Variants in LRRC40 observed in about 807,000 individuals in gnomAD.
The protein encoded by LRRC40 is leucine rich repeat containing 40.
LRRC40 carries 76 observed loss-of-function variants against 72.8 expected under a neutral mutation model. The observed-to-expected ratio is 1.04, with a 90% CI of 0.87 to 1.26. The LOEUF is 1.26. Ranked by LOEUF, LRRC40 falls within the 50% of genes most tolerant of loss-of-function variation. The probability of loss-of-function intolerance (pLI) is 0.00; values close to 1 mark genes in which losing one functional copy is unlikely to be tolerated. For missense variants in LRRC40, 684 were observed against 698.9 expected (o/e 0.98, Z 0.24); for synonymous variants, 243 against 254.2 (o/e 0.96, Z 0.42).
At chr1:70,188,432 A>G (rs1304020961) in intron 2 of LRRC40, among the ~76,000 whole-genome samples, 3 of 152,284 alleles carry the variant, frequency 2.0e-5, no homozygotes, top group Non-Finnish European at 4.4e-5. Context: ...CTAGAATAAT[A>G]ATGATAAAAA....
At chr1:70,150,217 C>A (rs899530298) in intron 13 of LRRC40, among the ~76,000 whole-genome samples, 2 of 152,136 alleles carry the variant, frequency 1.3e-5, no homozygotes, top group East Asian at 1.9e-4. Context: ...CTGCACCTGG[C>A]CAGTTATTCA....
chr1:70,187,188 T>A (rs1668378626), intron 3 of LRRC40, 77 bp downstream of exon 3: 1 of 705,240 alleles, frequency 1.4e-6, no homozygotes, highest in Non-Finnish European at 2.4e-6. Flanking sequence ...ATATTTTTAA[T>A]GTTGAGAAAA....
chr1:70,187,467 T>C lies in LRRC40; in HGVS notation c.334-129A>G, dbSNP rs1668386112. On this transcript the variant is annotated intron_variant, in intron 2 of 14. Transcript: ENST00000370952. Reference sequence around the variant, plus strand: ...CAAATTCAATGGCAACAAGTTGAACTACTGTTCAACATACTTGTTCTGTAT... The same window carrying C: ...CAAATTCAATGGCAACAAGTTGAACCACTGTTCAACATACTTGTTCTGTAT... 3.4e-5 allele frequency: 19 copies of C among 558,132 alleles called. No homozygotes were observed. In the South Asian group the frequency reaches 4.5e-4, roughly 13 times the overall value. The allele number at this position is 558,132 out of a possible 1,614,324, so 34.6% of individuals were successfully genotyped here.
chr1:70,196,417 G>A (rs550774107), intron 1 of LRRC40, among the ~76,000 whole-genome samples: 1 of 152,150 alleles, frequency 6.6e-6, no homozygotes, highest in Non-Finnish European at 1.5e-5. Flanking sequence ...AGGCATGGTG[G>A]CATACACCAT....
chr1:70,179,569 A>G (rs543214019), intron 5 of LRRC40, among the ~76,000 whole-genome samples: 25 of 152,330 alleles, frequency 1.6e-4, no homozygotes, highest in Non-Finnish European at 3.2e-4. Context: ...GCTTAAAAGT[A>G]TCATTGTCAT....
chr1:70,172,107 T>C (rs971405313), intron 9 of LRRC40, among the ~76,000 whole-genome samples: 7 of 152,094 alleles, frequency 4.6e-5, no homozygotes, highest in Non-Finnish European at 8.8e-5. Context: ...TGAACGGGAA[T>C]AGTGCCCTTA....
In LRRC40 at chr1:70,175,525, G is replaced by C. The variant is rs151328458; in HGVS notation, c.977+285C>G. Among the ~76,000 whole-genome samples the C allele has an allele frequency of 5.5e-3, 843 of 152,096 alleles. 3 individuals are homozygous for C. The highest frequency in any genetic ancestry group is 9.0e-3 in the Non-Finnish European group (611 of 67,964). On this transcript the variant is annotated intron_variant, in intron 7 of 14. Transcript: ENST00000370952. ...CAGCGTTCTTAGAATTTAGTTCTAG[G>C]GGGTAACTAGAACTAAATTTTACTC...
chr1:70,197,295 TA>T (rs1291584292), intron 1 of LRRC40, among the ~76,000 whole-genome samples: 4 of 152,086 alleles, frequency 2.6e-5, no homozygotes, highest in Non-Finnish European at 4.4e-5. Flanking sequence ...TATTTTATTT[TA>T]TTTTTTTTTG....
chr1:70,163,669 G>A (rs987227946), intron 9 of LRRC40, among the ~76,000 whole-genome samples: 2 of 152,124 alleles, frequency 1.3e-5, no homozygotes, highest in Admixed American at 1.3e-4. Flanking sequence ...CCATTCACAG[G>A]TTTCAGGGAT....
rs150092881 is a variant in LRRC40, at chr1:70,175,822, T to C, written c.965A>G (p.Asn322Ser). The change falls in exon 7 of 15, where the codon AAT (asparagine) becomes AGT (serine). Residue 322 changes from asparagine to serine, a missense_variant. Asn to Ser is a conservative substitution (Grantham distance 46). Transcript: ENST00000370952. ...RSLERLDLSNNDISSLPYSLG... is the reference protein window; with the variant it reads ...RSLERLDLSNSDISSLPYSLG... ...TATTTAAACTTACCTACTAATATCA[T>C]TGTTGCTTAGGTCAAGCCTTTCCAA... 5 of 1,558,862 alleles carry C rather than the reference T, an allele frequency of 3.2e-6. No homozygotes were observed. Among genetic ancestry groups the C allele is most frequent in the African/African-American group, 2.8e-5 (2 of 71,718 alleles).
chr1:70,164,514 T>C (rs995889575), intron 9 of LRRC40, among the ~76,000 whole-genome samples: 2 of 152,112 alleles, frequency 1.3e-5, no homozygotes, highest in Non-Finnish European at 2.9e-5. Context: ...CTCAACAAAA[T>C]TGTAGAGGGG....
At chr1:70,196,632 C>T (rs985148886) in intron 1 of LRRC40, among the ~76,000 whole-genome samples, 1 of 149,818 alleles carries the variant, frequency 6.7e-6, no homozygotes, top group Non-Finnish European at 1.5e-5. Flanking sequence ...AAGCCCTAAG[C>T]GAAAAAAAAA....
rs1355732771 is a variant in LRRC40 at position 70,148,474 on chromosome 1, ATGG to A, written c.1703+10_1703+12del. ...AAAATAAATGAAACAATGCAGTAGAATGGTGTAGTTACCTTAAGTTTACACAAT... is the reference window on the plus strand; with the variant it reads ...AAAATAAATGAAACAATGCAGTAGAATGTAGTTACCTTAAGTTTACACAAT... On this transcript the variant is annotated intron_variant, in intron 14 of 14. Coordinates refer to ENST00000370952, the MANE Select transcript of LRRC40 (RefSeq NM_017768.5). 6.3e-7 allele frequency: 1 copy of A among 1,587,816 alleles called. No homozygotes were observed. Among genetic ancestry groups the A allele is most frequent in the East Asian group, 2.2e-5 (1 of 44,604 alleles).
chr1:70,156,873 G>A lies in LRRC40; in HGVS notation c.1221-1077C>T, dbSNP rs536285422. On this transcript the variant is annotated intron_variant, in intron 10 of 14. Coordinates refer to ENST00000370952, the MANE Select transcript of LRRC40 (RefSeq NM_017768.5). ...AAATTGTTTACATCTGGAATTTTCC[G>A]TTTAATATTTTCGGACTGCACCTGA... Among the ~76,000 whole-genome samples, 12 of 152,218 alleles carry A rather than the reference G, an allele frequency of 7.9e-5. No individual in the cohort carries two copies. In the South Asian group the frequency reaches 8.3e-4, roughly 11 times the overall value.
At chr1:70,152,391 T>G in intron 12 of LRRC40, 42 bp downstream of exon 12, 1 of 1,023,164 alleles carries the variant, frequency 9.8e-7, no homozygotes, top group Non-Finnish European at 1.5e-6. Context: ...CAAAGACAAG[T>G]TATAACTTTT....
intron 3 of LRRC40, among the ~76,000 whole-genome samples, chr1:70,186,083 G>A (rs751078682): frequency 8.5e-5 from 13 of 152,150 alleles, no homozygotes; most frequent in South Asian, 2.1e-4. Flanking sequence ...TTGTTAAGTC[G>A]GTTACTGTTA....
intron 1 of LRRC40, among the ~76,000 whole-genome samples, chr1:70,193,462 T>A (rs930912361): frequency 1.3e-5 from 2 of 151,360 alleles, no homozygotes; most frequent in Non-Finnish European, 2.9e-5. Context: ...AGAAATTGAA[T>A]TAGCTACTTA....
chr1:70,150,985 C>G, intron 13 of LRRC40, 143 bp downstream of exon 13: 1 of 518,248 alleles, frequency 1.9e-6, no homozygotes, highest in Non-Finnish European at 3.5e-6. Context: ...ATTTTTAACT[C>G]TAAGAAGAAC....
intron 9 of LRRC40, among the ~76,000 whole-genome samples, chr1:70,171,180 C>T (rs1329622324): frequency 6.6e-6 from 1 of 151,788 alleles, no homozygotes; most frequent in Admixed American, 6.6e-5. Flanking sequence ...GAACCCTTAC[C>T]TCACACTGCA....
Sources: allele counts gnomAD v4.1 joint callset (sites outside exome capture counted in the v4.1 genomes callset), GRCh38; gene constraint gnomAD v4.1.1; transcripts MANE v1.5; gene names NCBI Gene and HGNC (gene_info 2026-07-23, HGNC 2026-07-21).